Variants in CPZ observed in about 807,000 individuals in gnomAD.
CPZ encodes the protein carboxypeptidase Z, also known as VEZT/CPZ fusion.
Under a neutral mutation model 61.8 loss-of-function variants are expected in CPZ, and 103 were observed. The observed-to-expected ratio is 1.67, with a 90% CI of 1.42 to 1.96. The LOEUF (loss-of-function observed/expected upper bound fraction) is 1.96. Among genes scored for constraint, CPZ ranks in the 30% most tolerant of loss-of-function variants. The probability of loss-of-function intolerance (pLI) is 0.00; values close to 1 mark genes in which losing one functional copy is unlikely to be tolerated. For synonymous variants in CPZ, 551 were observed against 373.7 expected, an observed-to-expected ratio of 1.47 and a Z score of -5.47; for missense variants, 1,461 against 914.9, an observed-to-expected ratio of 1.60 and a Z score of -7.70.
Position 8,612,116 on chromosome 4 carries a change from G to C in CPZ, c.1317G>C (p.Lys439Asn), listed in dbSNP as rs1715752173. The C allele has an allele frequency of 6.2e-7, 1 of 1,611,706 alleles. No individual in the cohort carries two copies. Among genetic ancestry groups the C allele is most frequent in the South Asian group, 1.1e-5 (1 of 90,840 alleles). The change falls in exon 8 of 11, where the codon AAG becomes AAC. Residue 439 changes from lysine to asparagine, a missense_variant. Lys to Asn is a moderately conservative substitution (Grantham distance 94). Coordinates refer to ENST00000360986, the MANE Select transcript of CPZ (RefSeq NM_001014447.3). ...SENRCGGNFL[K>N]RGSIINGADW... ...ATAGGTGTGGAGGCAATTTCCTGAA[G>C]AGGGGGAGCATCATCAACGGGGCGG... is the stretch of plus-strand genomic sequence containing the variant.
At chr4:8,601,002 A>G (rs1714531017) in intron 2 of CPZ, 121 bp from the exon 3 acceptor site, 11 of 1,427,140 alleles carry the variant, frequency 7.7e-6, no homozygotes, top group Non-Finnish European at 1.0e-5. Flanking sequence ...CTCCCCTGCC[A>G]GACCGTGGGT....
Position 8,601,124 on chromosome 4 carries a change from C to A in CPZ, c.123C>A (p.Ala41=). 6.4e-7 allele frequency: 1 copy of A among 1,565,690 alleles called. No individual in the cohort carries two copies. The highest frequency in any genetic ancestry group is 8.7e-7 in the Non-Finnish European group (1 of 1,149,802). Residue 41 remains alanine (A), a splice_region_variant and synonymous_variant, in exon 3 of 11, where the codon GCC becomes GCA. Transcript: ENST00000360986. ...GACCTGCCGACCCTGCCTCCCCAGC[C>A]ACCTGCGTGGACCTGCAGCTCAGGA... ...ECHRPPAADS[A]TCVDLQLRTC... is the part of the protein sequence containing the mutation.
chr4:8,611,683 C>T (rs1224399635), intron 7 of CPZ, among the ~76,000 whole-genome samples: 2 of 152,160 alleles, frequency 1.3e-5, no homozygotes, highest in Admixed American at 6.5e-5. Flanking sequence ...AACTGTCAAG[C>T]CAACCTGCAC....
In CPZ at chr4:8,606,072, C is replaced by A; in HGVS notation, c.793C>A (p.Leu265Met). ...REMLIYLAQY[L>M]CSEYLLGNPR... is the part of the protein sequence containing the mutation. ...GATGCTCATCTACCTAGCCCAGTAC[C>A]TGTGCTCTGAGTACCTGCTTGGTAA... Residue 265 changes from leucine (L) to methionine (M), a missense_variant, in exon 5 of 11, where the codon CTG becomes ATG. Leu to Met is a conservative substitution (Grantham distance 15). Coordinates refer to ENST00000360986, the MANE Select transcript of CPZ (RefSeq NM_001014447.3). 1 of 1,614,226 alleles carries A rather than the reference C, an allele frequency of 6.2e-7. No homozygotes were observed. Among genetic ancestry groups the A allele is most frequent in the Non-Finnish European group, 8.5e-7 (1 of 1,180,040 alleles).
chr4:8,610,970 A>C (rs1427754904), intron 7 of CPZ, among the ~76,000 whole-genome samples: 2 of 151,616 alleles, frequency 1.3e-5, no homozygotes, highest in Non-Finnish European at 2.9e-5. Flanking sequence ...TGGAGCAATC[A>C]CTCATTCACT....
chr4:8,599,189 G>A (rs1714389064), intron 1 of CPZ, among the ~76,000 whole-genome samples: 1 of 152,262 alleles, frequency 6.6e-6, no homozygotes, highest in South Asian at 2.1e-4. Flanking sequence ...CGGGCTTCGA[G>A]CCAGATGGAT....
At chr4:8,609,063 C>CCTCA (rs1553877585) in intron 7 of CPZ, among the ~76,000 whole-genome samples, 1 of 134,836 alleles carries the variant, frequency 7.4e-6, no homozygotes, top group Admixed American at 7.1e-5. Context: ...TCCCTCACTC[C>CCTCA]CTCACTCACC....
At chr4:8,618,891 G>A (rs919778483) in intron 10 of CPZ, among the ~76,000 whole-genome samples, 1 of 152,198 alleles carries the variant, frequency 6.6e-6, no homozygotes, top group African/African-American at 2.4e-5. Flanking sequence ...CCAGCCCTGT[G>A]CGGGCTCTGG....
intron 2 of CPZ, chr4:8,599,743 C>T (rs1371466107): frequency 1.1e-5 from 8 of 734,604 alleles, no homozygotes; most frequent in South Asian, 6.2e-5. Context: ...CCTCTCCATC[C>T]CTCTCCAGTC....
At chr4:8,593,165 C>G (rs887392378) in intron 1 of CPZ, among the ~76,000 whole-genome samples, 1 of 152,192 alleles carries the variant, frequency 6.6e-6, no homozygotes, top group Non-Finnish European at 1.5e-5. Flanking sequence ...AGCAGAGGGT[C>G]ACCACGCCTG....
At chr4:8,617,698 C>T (rs1376677382) in intron 9 of CPZ, among the ~76,000 whole-genome samples, 6 of 152,304 alleles carry the variant, frequency 3.9e-5, no homozygotes, top group South Asian at 4.1e-4. Context: ...GCTGGACGGA[C>T]TCCTCTCCCC....
intron 1 of CPZ, among the ~76,000 whole-genome samples, chr4:8,593,688 C>T (rs893342183): frequency 1.3e-5 from 2 of 152,122 alleles, no homozygotes; most frequent in Admixed American, 1.3e-4. Context: ...TGCAGGGTGT[C>T]AGGTTCTGAA....
intron 7 of CPZ, among the ~76,000 whole-genome samples, chr4:8,610,444 A>T (rs532872775): frequency 6.6e-6 from 1 of 151,972 alleles, no homozygotes; most frequent in Non-Finnish European, 1.5e-5. Context: ...GGCAGGGAGG[A>T]GGGACTGTAG....
intron 3 of CPZ, chr4:8,602,181 C>T (rs1407242001): frequency 1.3e-5 from 2 of 152,326 alleles, no homozygotes; most frequent in South Asian, 4.1e-4. Flanking sequence ...AAAGAGGTGC[C>T]AGAGGGCCAC....
At position 8,604,149 on chromosome 4, in the gene CPZ, G is replaced by T; in HGVS notation, c.670G>T (p.Val224Phe). Reference sequence around the variant, plus strand: ...CAGCTTCGACGGCAGGGAGCTGCTGGTCATCGAGTTCTCCAGCCGCCCCGG... The same window carrying T: ...CAGCTTCGACGGCAGGGAGCTGCTGTTCATCGAGTTCTCCAGCCGCCCCGG... Reference protein sequence around the residue: ...GRSFDGRELLVIEFSSRPGQH... With the variant: ...GRSFDGRELLFIEFSSRPGQH... Residue 224 changes from valine (V) to phenylalanine (F), a missense_variant, in exon 4 of 11, where the codon GTC becomes TTC. By Grantham distance (50) the Val-to-Phe change is conservative. Transcript: ENST00000360986. 2 of 1,584,240 alleles carry T rather than the reference G, an allele frequency of 1.3e-6. No individual in the cohort carries two copies. The highest frequency in any genetic ancestry group is 1.7e-6 in the Non-Finnish European group (2 of 1,164,832).
chr4:8,593,101 CT>C (rs1713917984), intron 1 of CPZ, among the ~76,000 whole-genome samples, 180 bp downstream of exon 1: 1 of 152,162 alleles, frequency 6.6e-6, no homozygotes, highest in South Asian at 2.1e-4. Flanking sequence ...GACCTCTCCC[CT>C]GGACGGGGAC....
In CPZ at chr4:8,612,083, G is replaced by A. The variant is rs764437902; in HGVS notation, c.1284G>A (p.Arg428=). 5.0e-6 allele frequency: 8 copies of A among 1,613,542 alleles called. No homozygotes were observed. The highest frequency in any genetic ancestry group is 1.7e-5 in the Admixed American group (1 of 59,972). The part of the protein sequence containing the change: ...YADVHPMMMD[R]SENRCGGNFL... ...ACGTCCACCCCATGATGATGGACAGGTCGGAGAATAGGTGTGGAGGCAATT... is the reference window on the plus strand; with the variant it reads ...ACGTCCACCCCATGATGATGGACAGATCGGAGAATAGGTGTGGAGGCAATT... Residue 428 remains arginine, a synonymous_variant, in exon 8 of 11, where the codon AGG becomes AGA. Coordinates refer to ENST00000360986, the MANE Select transcript of CPZ (RefSeq NM_001014447.3).
At chr4:8,605,341 TCCATC>T (rs2109322745) in intron 4 of CPZ, among the ~76,000 whole-genome samples, 1 of 151,992 alleles carries the variant, frequency 6.6e-6, no homozygotes, top group African/African-American at 2.4e-5. Flanking sequence ...CATCCATCCA[TCCATC>T]CATTTATTCA....
chr4:8,612,223 AG>A (rs1426983282), intron 8 of CPZ, 61 bp downstream of exon 8: 4 of 216,520 alleles, frequency 1.8e-5, no homozygotes, highest in African/African-American at 5.1e-5. Context: ...TGGGTGGGGC[AG>A]GGGCAAGGCG....
Sources: allele counts gnomAD v4.1 joint callset (sites outside exome capture counted in the v4.1 genomes callset), GRCh38; gene constraint gnomAD v4.1.1; transcripts MANE v1.5; gene names NCBI Gene and HGNC (gene_info 2026-07-23, HGNC 2026-07-21).